SDK1: variants seen among roughly 807,000 people sequenced by gnomAD.
The protein encoded by SDK1 is sidekick cell adhesion molecule 1.
SDK1 carries 157 observed loss-of-function variants against 245.5 expected under a neutral mutation model. That is an observed-to-expected ratio of 0.64 (90% confidence interval 0.56 to 0.73). SDK1 has a LOEUF of 0.73. Ranked by LOEUF, SDK1 falls within the 30% of genes least tolerant of loss-of-function variation. SDK1 has a pLI of 0.00. For synonymous variants in SDK1, 1,647 were observed against 1,278.5 expected, an observed-to-expected ratio of 1.29 and a Z score of -6.15; for missense variants, 3,583 against 3,002.3, an observed-to-expected ratio of 1.19 and a Z score of -4.52.
intron 4 of SDK1, among the ~76,000 whole-genome samples, chr7:3,744,877 C>A (rs572639713): frequency 6.6e-6 from 1 of 151,856 alleles, no homozygotes; most frequent in African/African-American, 2.4e-5. Flanking sequence ...AGAAAACAAA[C>A]AAAAATGTAT....
intron 1 of SDK1, among the ~76,000 whole-genome samples, chr7:3,493,343 C>G (rs746605397): frequency 1.3e-5 from 2 of 152,230 alleles, no homozygotes; most frequent in Non-Finnish European, 2.9e-5. Context: ...CAGCTAAACT[C>G]TACCTCAGTT....
chr7:3,449,029 A>G (rs1034249443), intron 1 of SDK1, among the ~76,000 whole-genome samples: 2 of 152,356 alleles, frequency 1.3e-5, no homozygotes, highest in Non-Finnish European at 2.9e-5. Flanking sequence ...CTTCTGTAAA[A>G]GCAATAACAT....
chr7:4,104,636 C>T (rs1469996917), intron 22 of SDK1, among the ~76,000 whole-genome samples: 3 of 152,160 alleles, frequency 2.0e-5, no homozygotes, highest in Non-Finnish European at 4.4e-5. Flanking sequence ...ACTAGTTCCT[C>T]ATTAATGAGT....
intron 18 of SDK1, among the ~76,000 whole-genome samples, chr7:4,050,268 C>G (rs6462564): frequency 0.37 from 56,565 of 152,092 alleles, 13,786 homozygotes; most frequent in African/African-American, 0.7. Context: ...CCACAATTTG[C>G]ATTCAACTTA....
At chr7:3,660,069 G>C (rs545684826) in intron 4 of SDK1, among the ~76,000 whole-genome samples, 1 of 152,238 alleles carries the variant, frequency 6.6e-6, no homozygotes, top group Non-Finnish European at 1.5e-5. Flanking sequence ...TAGCTTAAAG[G>C]AAAGATCAGA....
At chr7:4,113,707 A>T (rs1405355277) in intron 24 of SDK1, among the ~76,000 whole-genome samples, 2 of 152,244 alleles carry the variant, frequency 1.3e-5, no homozygotes, top group African/African-American at 4.8e-5. Flanking sequence ...GCCTCACACC[A>T]GAACTCTAAG....
chr7:3,435,991 A>C (rs1041607871), intron 1 of SDK1, among the ~76,000 whole-genome samples: 5 of 152,254 alleles, frequency 3.3e-5, no homozygotes, highest in Non-Finnish European at 5.9e-5. Context: ...GGAGAGGTTT[A>C]AATTCTGTTT....
chr7:4,265,278 G>T lies in SDK1; in HGVS notation c.6536G>T (p.Gly2179Val). ...GAGGCGGTGGCGGGCTCCGAGGCGGGCGCGCAGCTGCACCCGGTCATCACC... is the reference window on the plus strand; with the variant it reads ...GAGGCGGTGGCGGGCTCCGAGGCGGTCGCGCAGCTGCACCCGGTCATCACC... ...RYEAVAGSEA[G>V]AQLHPVITTQ... The change falls in exon 45 of 45, where the codon GGC (glycine) becomes GTC (valine). Residue 2179 changes from glycine (G) to valine (V), a missense_variant. Physicochemically the swap from Gly to Val is moderately radical, Grantham distance 109. Coordinates refer to ENST00000404826, the MANE Select transcript of SDK1 (RefSeq NM_152744.4). 1 of 1,588,820 alleles carries T rather than the reference G, an allele frequency of 6.3e-7. No homozygotes were observed. The highest frequency in any genetic ancestry group is 8.5e-7 in the Non-Finnish European group (1 of 1,173,910).
intron 5 of SDK1, among the ~76,000 whole-genome samples, chr7:3,885,061 C>T (rs918962335): frequency 5.3e-5 from 8 of 152,120 alleles, no homozygotes; most frequent in Non-Finnish European, 1.2e-4. Context: ...TGCCAATAGC[C>T]CCTGGGGACT....
At chr7:3,868,903 G>T (rs1780887410) in intron 5 of SDK1, among the ~76,000 whole-genome samples, 1 of 152,144 alleles carries the variant, frequency 6.6e-6, no homozygotes, top group Admixed American at 6.5e-5. Flanking sequence ...CTGAATAAAT[G>T]ATGTGTACAG....
chr7:3,462,361 TATA>T (rs1780860475), intron 1 of SDK1, among the ~76,000 whole-genome samples: 1 of 152,184 alleles, frequency 6.6e-6, no homozygotes, highest in Non-Finnish European at 1.5e-5. Flanking sequence ...TGAGTATCAT[TATA>T]ATATCATTGT....
At chr7:3,397,912 G>C (rs1199594098) in intron 1 of SDK1, among the ~76,000 whole-genome samples, 1 of 152,042 alleles carries the variant, frequency 6.6e-6, no homozygotes, top group Admixed American at 6.6e-5. Flanking sequence ...CCATATATGA[G>C]TCTGATTCTG....
chr7:4,148,367 G>A (rs948384240), intron 29 of SDK1, among the ~76,000 whole-genome samples: 3 of 152,306 alleles, frequency 2.0e-5, no homozygotes, highest in African/African-American at 7.2e-5. Flanking sequence ...TGCTGAAATC[G>A]ATGGGGTGCA....
intron 4 of SDK1, among the ~76,000 whole-genome samples, chr7:3,672,132 A>G (rs949706592): frequency 6.6e-6 from 1 of 152,002 alleles, no homozygotes; most frequent in African/African-American, 2.4e-5. Context: ...GTGGCGGGTC[A>G]TGGTGTGGTG....
chr7:4,078,809 A>G (rs1780868679), intron 21 of SDK1, among the ~76,000 whole-genome samples: 1 of 152,196 alleles, frequency 6.6e-6, no homozygotes, highest in Middle Eastern at 3.2e-3. Flanking sequence ...CGGGAGGCTC[A>G]TTCAGAACCC....
intron 1 of SDK1, among the ~76,000 whole-genome samples, chr7:3,460,416 A>G (rs1466183077): frequency 1.3e-5 from 2 of 152,244 alleles, no homozygotes; most frequent in African/African-American, 2.4e-5. Context: ...TATTGAAAAT[A>G]TGAATTAAGA....
chr7:3,927,205 A>G (rs1313695784), intron 5 of SDK1, among the ~76,000 whole-genome samples: 1 of 152,232 alleles, frequency 6.6e-6, no homozygotes, highest in Admixed American at 6.5e-5. Context: ...GAAAAAAGTT[A>G]GGAACGTGCT....
chr7:3,900,315 C>T (rs1781743793), intron 5 of SDK1, among the ~76,000 whole-genome samples: 1 of 152,222 alleles, frequency 6.6e-6, no homozygotes, highest in African/African-American at 2.4e-5. Context: ...CTAAAATTTA[C>T]CAACATGTTC....
intron 4 of SDK1, among the ~76,000 whole-genome samples, chr7:3,787,474 G>A (rs1780940092): frequency 6.6e-6 from 1 of 152,004 alleles, no homozygotes; most frequent in Non-Finnish European, 1.5e-5. Context: ...AGATGAACCT[G>A]TGTAAAAAGA....
Sources: allele counts gnomAD v4.1 joint callset (sites outside exome capture counted in the v4.1 genomes callset), GRCh38; gene constraint gnomAD v4.1.1; transcripts MANE v1.5; gene names NCBI Gene and HGNC (gene_info 2026-07-23, HGNC 2026-07-21).